Variants in GALK2 observed in about 807,000 individuals in gnomAD.
GALK2 encodes the protein N-acetylgalactosamine kinase.
A neutral mutation model predicts 52.4 loss-of-function variants in GALK2; 36 were observed. That is an observed-to-expected ratio of 0.69 (90% CI 0.53 to 0.91). The LOEUF is 0.91. Among genes scored for constraint, GALK2 ranks in the 40% least tolerant of loss-of-function variants. The pLI is 0.00. For synonymous variants in GALK2, 176 were observed against 199.1 expected, an observed-to-expected ratio of 0.88 and a Z score of 0.98; for missense variants, 579 against 559.1, an observed-to-expected ratio of 1.04 and a Z score of -0.36.
At position 49,201,275 on chromosome 15, in the gene GALK2, AT is replaced by A. The variant is rs757255224; in HGVS notation, c.142+32del. 64 of 1,326,916 alleles carry A rather than the reference AT, an allele frequency of 4.8e-5. No individual in the cohort carries two copies. In the African/African-American group the frequency reaches 7.9e-4, roughly 16 times the overall value. 82.2% of individuals were successfully genotyped at this position (1,326,916 alleles called of 1,614,324 possible). A position where few individuals can be genotyped will look rare whatever the true frequency, so the allele number is the denominator to read the frequency against. On this transcript the variant is annotated intron_variant, in intron 2 of 9. Coordinates refer to ENST00000560031, the MANE Select transcript of GALK2 (RefSeq NM_002044.4). ...GGTATTTCAAAAGTTCCTTCTCTTAATTTTTTTCTTCATCCTTTGATAAGAT... is the reference window on the plus strand; with the variant it reads ...GGTATTTCAAAAGTTCCTTCTCTTAATTTTTTCTTCATCCTTTGATAAGAT...
At chr15:49,180,363 T>C (rs1420725441) in intron 1 of GALK2, among the ~76,000 whole-genome samples, 3 of 152,212 alleles carry the variant, frequency 2.0e-5, no homozygotes, top group African/African-American at 7.2e-5. Flanking sequence ...TTGCTCTTTT[T>C]CCCACATTTA....
At position 49,328,230 on chromosome 15, in the gene GALK2, A is replaced by AAATT. The variant is rs1324570526; in HGVS notation, c.*75_*78dup. 1.4e-4 allele frequency: 212 copies of AAATT among 1,517,496 alleles called. No homozygotes were observed. The highest frequency in any genetic ancestry group is 1.9e-4 in the Admixed American group (9 of 46,206). The allele number at this position is 1,517,496 out of a possible 1,614,324, so 94.0% of individuals were successfully genotyped here. On this transcript the variant is annotated 3_prime_UTR_variant, in exon 10 of 10. Coordinates refer to ENST00000560031, the MANE Select transcript of GALK2 (RefSeq NM_002044.4). ...TTGGCAGGACTTTCTGTGCCACAGT[A>AAATT]AATTAATCTTCCTTCTGTTTTGTAT...
chr15:49,234,814 T>G (rs985817714), intron 3 of GALK2, among the ~76,000 whole-genome samples: 1 of 151,990 alleles, frequency 6.6e-6, no homozygotes, highest in Non-Finnish European at 1.5e-5. Flanking sequence ...TCGCCCAGGC[T>G]GGGGTGCAGT....
chr15:49,290,160 T>C (rs534929661), intron 7 of GALK2, among the ~76,000 whole-genome samples: 6 of 152,316 alleles, frequency 3.9e-5, no homozygotes, highest in African/African-American at 9.6e-5. Flanking sequence ...TGAAGCTCTG[T>C]CTTTGAACAA....
chr15:49,338,717 G>A (rs1193648821), intron 3 of GALK2, among the ~76,000 whole-genome samples: 2 of 152,218 alleles, frequency 1.3e-5, no homozygotes, highest in African/African-American at 4.8e-5. Context: ...ATCCTGAAGA[G>A]TGTTTTCCAA....
At chr15:49,256,345 G>T (rs938450871) in intron 5 of GALK2, among the ~76,000 whole-genome samples, 2 of 152,194 alleles carry the variant, frequency 1.3e-5, no homozygotes, top group African/African-American at 4.8e-5. Flanking sequence ...CAGGGAACAG[G>T]TGGACTTAAG....
intron 3 of GALK2, among the ~76,000 whole-genome samples, chr15:49,363,239 T>C (rs533351815): frequency 1.0e-3 from 155 of 152,382 alleles, no homozygotes; most frequent in Non-Finnish European, 1.9e-3. Flanking sequence ...ATGGTATTGA[T>C]TCTTTATATC....
chr15:49,305,415 G>T (rs898213944), intron 8 of GALK2, among the ~76,000 whole-genome samples: 8 of 152,150 alleles, frequency 5.3e-5, no homozygotes, highest in African/African-American at 1.7e-4. Context: ...GAGGAAGATG[G>T]TTTCTTGTTT....
At chr15:49,189,665 A>C (rs1481017906) in intron 1 of GALK2, among the ~76,000 whole-genome samples, 1 of 152,148 alleles carries the variant, frequency 6.6e-6, no homozygotes. Context: ...GCACTGCAAT[A>C]TAGAGACAAT....
At chr15:49,230,320 TG>T (rs1237694811) in intron 3 of GALK2, among the ~76,000 whole-genome samples, 1 of 152,200 alleles carries the variant, frequency 6.6e-6, no homozygotes, top group Non-Finnish European at 1.5e-5. Flanking sequence ...CGCTCTCCTA[TG>T]GCTAGGATTG....
chr15:49,208,789 T>C (rs907488947), intron 2 of GALK2, among the ~76,000 whole-genome samples: 1 of 152,230 alleles, frequency 6.6e-6, no homozygotes. Context: ...GCTGTCTATC[T>C]CATTTCTTAG....
chr15:49,199,884 G>T (rs1367494674), intron 1 of GALK2, among the ~76,000 whole-genome samples: 1 of 152,196 alleles, frequency 6.6e-6, no homozygotes, highest in Non-Finnish European at 1.5e-5. Flanking sequence ...GAGAGCCAAA[G>T]AAACTGGTAT....
chr15:49,232,399 A>G (rs185387015), intron 3 of GALK2, among the ~76,000 whole-genome samples: 1 of 152,218 alleles, frequency 6.6e-6, no homozygotes, highest in East Asian at 1.9e-4. Context: ...TTAGACCTAC[A>G]TGCCTGTGAT....
At chr15:49,244,083 CAG>C (rs1451833602) in intron 5 of GALK2, among the ~76,000 whole-genome samples, 1 of 151,810 alleles carries the variant, frequency 6.6e-6, no homozygotes, top group Non-Finnish European at 1.5e-5. Context: ...TAAGGAAAAA[CAG>C]AAAAAACAGT....
At chr15:49,235,992 T>G (rs759685536) in intron 4 of GALK2, 51 bp downstream of exon 4, 1 of 1,034,356 alleles carries the variant, frequency 9.7e-7, no homozygotes, top group Non-Finnish European at 1.5e-6. Flanking sequence ...TCATGTGTAT[T>G]CTGTCAGATT....
chr15:49,320,057 G>A (rs978350657), intron 9 of GALK2, among the ~76,000 whole-genome samples: 4 of 152,134 alleles, frequency 2.6e-5, no homozygotes, highest in African/African-American at 9.7e-5. Flanking sequence ...TTTACATCAT[G>A]AGAAAGACCT....
intron 5 of GALK2, among the ~76,000 whole-genome samples, chr15:49,277,860 G>A (rs1048430402): frequency 5.9e-5 from 9 of 152,294 alleles, no homozygotes; most frequent in African/African-American, 2.2e-4. Flanking sequence ...AAGAGGTAGG[G>A]CCGCTGGGGA....
At chr15:49,318,290 C>T (rs924346923) in intron 8 of GALK2, 1 of 152,068 alleles carries the variant, frequency 6.6e-6, no homozygotes, top group African/African-American at 2.4e-5. Context: ...TACAGTGTCA[C>T]TGTGGGTAAT....
intron 3 of GALK2, among the ~76,000 whole-genome samples, chr15:49,350,844 G>A (rs966476414): frequency 2.0e-5 from 3 of 152,130 alleles, no homozygotes; most frequent in African/African-American, 4.8e-5. Flanking sequence ...CCAATGGTAG[G>A]GATAAATGGG....
Sources: allele counts gnomAD v4.1 joint callset (sites outside exome capture counted in the v4.1 genomes callset), GRCh38; gene constraint gnomAD v4.1.1; transcripts MANE v1.5; gene names NCBI Gene and HGNC (gene_info 2026-07-23, HGNC 2026-07-21).